The following FGF10 variants were observed in gnomAD, a reference collection of about 807,000 sequenced individuals.
FGF10 encodes the protein FGF-10.
A neutral mutation model predicts 19.8 loss-of-function variants in FGF10; 2 were observed. That is an observed-to-expected ratio of 0.10 (90% CI 0.04 to 0.32). The LOEUF is 0.32. FGF10 is among the 10% of genes least tolerant of loss of function. The pLI is 1.00. For missense variants in FGF10, 191 were observed against 246.3 expected (o/e 0.78, Z 1.50); for synonymous variants, 112 against 94.0 (o/e 1.19, Z -1.10).
intron 1 of FGF10, among the ~76,000 whole-genome samples, chr5:44,346,690 T>C (rs1027004867): frequency 6.6e-6 from 1 of 151,892 alleles, no homozygotes; most frequent in Non-Finnish European, 1.5e-5. Context: ...CATAAGTAAA[T>C]AATCTGATAC....
chr5:44,349,473 A>AAT (rs1232625126), intron 1 of FGF10, among the ~76,000 whole-genome samples: 307 of 23,138 alleles, frequency 0.013, 5 homozygotes, highest in Middle Eastern at 0.038. Flanking sequence ...TATATATCAG[A>AAT]ATATATATAT....
chr5:44,368,705 C>A (rs910810717), intron 1 of FGF10, among the ~76,000 whole-genome samples: 2 of 152,080 alleles, frequency 1.3e-5, no homozygotes, highest in African/African-American at 4.8e-5. Context: ...GGGTCTCACT[C>A]TTGCCCAGGC....
At chr5:44,353,944 T>C (rs1741289767) in intron 1 of FGF10, among the ~76,000 whole-genome samples, 2 of 151,538 alleles carry the variant, frequency 1.3e-5, no homozygotes, top group Admixed American at 6.6e-5. Context: ...ATAAGTAATT[T>C]GAGGATTTTT....
At chr5:44,364,197 T>G (rs1271914472) in intron 1 of FGF10, among the ~76,000 whole-genome samples, 1 of 151,866 alleles carries the variant, frequency 6.6e-6, no homozygotes, top group Non-Finnish European at 1.5e-5. Flanking sequence ...AGTGGAAAAT[T>G]ACTTTTTGAT....
At chr5:44,357,964 C>T (rs967498559) in intron 1 of FGF10, among the ~76,000 whole-genome samples, 5 of 151,406 alleles carry the variant, frequency 3.3e-5, no homozygotes, top group Admixed American at 1.3e-4. Context: ...ATGCAGAGTT[C>T]GTGCCAGGTA....
intron 1 of FGF10, among the ~76,000 whole-genome samples, chr5:44,366,552 C>T (rs1396470667): frequency 6.6e-6 from 1 of 151,970 alleles, no homozygotes; most frequent in African/African-American, 2.4e-5. Flanking sequence ...GTGAATTAGT[C>T]TGTTTCCTTT....
intron 1 of FGF10, among the ~76,000 whole-genome samples, chr5:44,330,013 G>C (rs745423212): frequency 2.3e-4 from 35 of 152,110 alleles, no homozygotes; most frequent in Admixed American, 6.6e-4. Context: ...TTCATAAGCT[G>C]TCCTTTTATA....
At chr5:44,338,544 G>A (rs56678988) in intron 1 of FGF10, among the ~76,000 whole-genome samples, 3,260 of 152,220 alleles carry the variant, frequency 0.021, 73 homozygotes, top group African/African-American at 0.058. Context: ...AAAAGCATCC[G>A]TCCAGCATGT....
At chr5:44,343,234 C>A (rs1189072550) in intron 1 of FGF10, among the ~76,000 whole-genome samples, 1 of 151,924 alleles carries the variant, frequency 6.6e-6, no homozygotes, top group East Asian at 1.9e-4. Context: ...TGCTATGAAT[C>A]CTAAAGTCTT....
intron 1 of FGF10, among the ~76,000 whole-genome samples, chr5:44,325,327 C>T (rs909938349): frequency 5.3e-5 from 8 of 151,872 alleles, no homozygotes; most frequent in South Asian, 4.2e-4. Flanking sequence ...GTCAGTGTGG[C>T]GATTCCTCAG....
intron 1 of FGF10, among the ~76,000 whole-genome samples, chr5:44,372,634 A>G (rs1194755255): frequency 6.6e-6 from 1 of 152,194 alleles, no homozygotes. Context: ...GATATGGATA[A>G]GACTCTGGGT....
At chr5:44,325,487 A>G (rs1454085522) in intron 1 of FGF10, among the ~76,000 whole-genome samples, 5 of 152,164 alleles carry the variant, frequency 3.3e-5, no homozygotes, top group Non-Finnish European at 7.3e-5. Context: ...AACCAACGCA[A>G]ATGTCCAACA....
In FGF10 at chr5:44,300,450, T is replaced by C. The variant is rs1739946089; in HGVS notation, c.*4545A>G. Among the ~76,000 whole-genome samples the C allele has an allele frequency of 6.6e-6, 1 of 152,128 alleles. No homozygotes were observed. Among genetic ancestry groups the C allele is most frequent in the Non-Finnish European group, 1.5e-5 (1 of 68,018 alleles). On this transcript the variant is annotated 3_prime_UTR_variant, in exon 3 of 3. Coordinates refer to ENST00000264664, the MANE Select transcript of FGF10 (RefSeq NM_004465.2). ...CAGTGAAAACTTGCATTCATCCCAA[T>C]ATAAAGTTTGCAAAACCACAGTGAG...
At chr5:44,359,480 T>A (rs1330920281) in intron 1 of FGF10, among the ~76,000 whole-genome samples, 1 of 151,466 alleles carries the variant, frequency 6.6e-6, no homozygotes, top group Non-Finnish European at 1.5e-5. Flanking sequence ...ATTAGATAAA[T>A]CTTTTCTAGA....
chr5:44,332,653 G>C (rs1316523395), intron 1 of FGF10, among the ~76,000 whole-genome samples: 1 of 152,146 alleles, frequency 6.6e-6, no homozygotes, highest in Non-Finnish European at 1.5e-5. Flanking sequence ...CACCTGGGGT[G>C]ACGCCTTAGC....
chr5:44,346,480 C>T (rs1741093175), intron 1 of FGF10, among the ~76,000 whole-genome samples: 1 of 151,792 alleles, frequency 6.6e-6, no homozygotes, highest in Non-Finnish European at 1.5e-5. Flanking sequence ...TCTAGCATGG[C>T]CTACATGACC....
At chr5:44,331,630 G>C (rs566831114) in intron 1 of FGF10, among the ~76,000 whole-genome samples, 1 of 152,098 alleles carries the variant, frequency 6.6e-6, no homozygotes, top group Non-Finnish European at 1.5e-5. Flanking sequence ...CCTCTGTAAA[G>C]CCTTGCCAAT....
intron 1 of FGF10, among the ~76,000 whole-genome samples, chr5:44,362,301 A>C (rs1741507550): frequency 6.6e-6 from 1 of 151,588 alleles, no homozygotes; most frequent in South Asian, 2.1e-4. Flanking sequence ...TGCTAAAGAG[A>C]TTCCTTCTTG....
intron 1 of FGF10, among the ~76,000 whole-genome samples, chr5:44,378,656 C>T (rs547038826): frequency 2.5e-4 from 38 of 152,292 alleles, no homozygotes; most frequent in Admixed American, 2.3e-3. Flanking sequence ...TGGTCTTGAT[C>T]TCCTGACCTC....
Sources: allele counts gnomAD v4.1 joint callset (sites outside exome capture counted in the v4.1 genomes callset), GRCh38; gene constraint gnomAD v4.1.1; transcripts MANE v1.5; gene names NCBI Gene and HGNC (gene_info 2026-07-23, HGNC 2026-07-21).